The following SMAP1 variants were observed in gnomAD, a reference collection of about 807,000 sequenced individuals.
SMAP1 encodes the protein stromal membrane-associated protein 1.
A neutral mutation model predicts 58.5 loss-of-function variants in SMAP1; 24 were observed. The observed-to-expected ratio is 0.41, with a 90% CI of 0.30 to 0.58. The LOEUF (loss-of-function observed/expected upper bound fraction) is 0.58. SMAP1 is among the 20% of genes least tolerant of loss of function. The probability of loss-of-function intolerance (pLI) is 0.29; values close to 1 mark genes in which losing one functional copy is unlikely to be tolerated. For missense variants in SMAP1, 563 were observed against 566.3 expected (o/e 0.99, Z 0.06); for synonymous variants, 216 against 196.6 (o/e 1.10, Z -0.82).
At chr6:70,822,387 G>T (rs1264702849) in intron 6 of SMAP1, among the ~76,000 whole-genome samples, 1 of 151,266 alleles carries the variant, frequency 6.6e-6, no homozygotes, top group African/African-American at 2.4e-5. Context: ...AGAGACAGAA[G>T]TTTGGCAATT....
chr6:70,779,509 T>C (rs1171629164), intron 4 of SMAP1, among the ~76,000 whole-genome samples: 1 of 152,106 alleles, frequency 6.6e-6, no homozygotes, highest in Admixed American at 6.5e-5. Context: ...TGAAGGACTC[T>C]TCTGTAGCTA....
intron 2 of SMAP1, among the ~76,000 whole-genome samples, chr6:70,752,145 G>A (rs1195007072): frequency 6.6e-6 from 1 of 152,164 alleles, no homozygotes; most frequent in Non-Finnish European, 1.5e-5. Context: ...TGGGAGTGAA[G>A]GAACTGAATC....
chr6:70,844,580 T>C (rs1162985307), intron 7 of SMAP1, among the ~76,000 whole-genome samples: 1 of 152,230 alleles, frequency 6.6e-6, no homozygotes, highest in East Asian at 1.9e-4. Context: ...GTTAGTCATT[T>C]TAGCAAATTA....
chr6:70,859,498 T>TAAGTC lies in SMAP1; in HGVS notation c.1270-694_1270-690dup, dbSNP rs1429879999. The TAAGTC allele has an allele frequency of 3.3e-4, 287 of 881,092 alleles. 1 individual carries two copies. The East Asian group carries it at 7.7e-3, about 23-fold the overall frequency. The allele number at this position is 881,092 out of a possible 1,614,324, so 54.6% of individuals were successfully genotyped here. A position where few individuals can be genotyped will look rare whatever the true frequency, so the allele number is the denominator to read the frequency against. On this transcript the variant is annotated intron_variant, in intron 10 of 10. Transcript: ENST00000370455. Reference sequence around the variant, plus strand: ...ATGTTAGTGTCTTTGAAACTGTAAATAAGTCAAGTCAAATGTATTAAATTA... The same window carrying TAAGTC: ...ATGTTAGTGTCTTTGAAACTGTAAATAAGTCAAGTCAAGTCAAATGTATTAAATTA...
chr6:70,723,682 A>G (rs28488598), intron 1 of SMAP1, among the ~76,000 whole-genome samples: 66,543 of 151,984 alleles, frequency 0.44, 14,919 homozygotes, highest in South Asian at 0.5. Flanking sequence ...TTATCTGTTT[A>G]GTTTACTACT....
intron 3 of SMAP1, among the ~76,000 whole-genome samples, chr6:70,755,542 A>G (rs539528918): frequency 6.6e-6 from 1 of 152,154 alleles, no homozygotes; most frequent in South Asian, 2.1e-4. Context: ...AGCACATTTA[A>G]TGTAGGCTAG....
chr6:70,814,844 G>A (rs1769549323), intron 6 of SMAP1, among the ~76,000 whole-genome samples: 1 of 152,128 alleles, frequency 6.6e-6, no homozygotes, highest in Non-Finnish European at 1.5e-5. Context: ...TCATTTTATA[G>A]TGAACTATCA....
At chr6:70,807,921 A>G (rs1328979950) in intron 6 of SMAP1, among the ~76,000 whole-genome samples, 1 of 151,788 alleles carries the variant, frequency 6.6e-6, no homozygotes, top group Non-Finnish European at 1.5e-5. Flanking sequence ...TACAAATAAC[A>G]TAAATAGTCA....
intron 2 of SMAP1, among the ~76,000 whole-genome samples, chr6:70,734,348 G>C (rs1296409930): frequency 6.6e-6 from 1 of 152,186 alleles, no homozygotes; most frequent in East Asian, 1.9e-4. Flanking sequence ...GTTTTGCCAT[G>C]TTGGCCAGGC....
chr6:70,673,250 C>A (rs965208464), intron 1 of SMAP1, among the ~76,000 whole-genome samples: 1 of 152,182 alleles, frequency 6.6e-6, no homozygotes, highest in Admixed American at 6.5e-5. Flanking sequence ...ACTGTCATAA[C>A]TGCTTCTCAC....
intron 7 of SMAP1, 90 bp downstream of exon 7, chr6:70,837,118 T>C (rs974258815): frequency 2.8e-5 from 24 of 864,040 alleles, no homozygotes; most frequent in Non-Finnish European, 3.5e-5. Flanking sequence ...ATCTTGAGTA[T>C]GCCAAAACGT....
chr6:70,856,733 C>T, intron 8 of SMAP1, 126 bp from the exon 9 acceptor site: 2 of 925,392 alleles, frequency 2.2e-6, no homozygotes, highest in African/African-American at 1.7e-5. Context: ...TCTTGAATGG[C>T]ACCATTTTAC....
At chr6:70,727,188 A>G (rs561298896) in intron 1 of SMAP1, among the ~76,000 whole-genome samples, 86 of 151,984 alleles carry the variant, frequency 5.7e-4, no homozygotes, top group African/African-American at 2.1e-3. Flanking sequence ...GCTCACTGCA[A>G]CCTCTGCCTT....
intron 6 of SMAP1, among the ~76,000 whole-genome samples, chr6:70,815,874 A>G (rs1450848535): frequency 6.6e-6 from 1 of 152,144 alleles, no homozygotes; most frequent in Non-Finnish European, 1.5e-5. Flanking sequence ...TTGGGATTGA[A>G]TGTAGCAACT....
At chr6:70,787,201 C>T (rs763260907) in intron 4 of SMAP1, among the ~76,000 whole-genome samples, 22 of 152,166 alleles carry the variant, frequency 1.4e-4, no homozygotes, top group South Asian at 6.2e-4. Context: ...AATGGGGAAA[C>T]GATTCCCTTT....
chr6:70,737,370 G>A (rs530941619), intron 2 of SMAP1, among the ~76,000 whole-genome samples: 24 of 152,050 alleles, frequency 1.6e-4, no homozygotes, highest in African/African-American at 5.3e-4. Flanking sequence ...TGGTCTCAGC[G>A]TCCTGACCTC....
intron 2 of SMAP1, among the ~76,000 whole-genome samples, chr6:70,746,328 T>C (rs930116755): frequency 1.3e-5 from 2 of 152,184 alleles, no homozygotes; most frequent in Non-Finnish European, 2.9e-5. Flanking sequence ...ATAGCTCTTA[T>C]TATTTTGAGA....
chr6:70,788,519 C>A (rs1008778022), intron 4 of SMAP1, among the ~76,000 whole-genome samples: 1 of 151,946 alleles, frequency 6.6e-6, no homozygotes, highest in African/African-American at 2.4e-5. Context: ...GTGCGTACTC[C>A]AGACTCTATA....
intron 2 of SMAP1, among the ~76,000 whole-genome samples, chr6:70,738,679 G>C (rs1765707243): frequency 1.3e-5 from 2 of 152,172 alleles, no homozygotes; most frequent in Non-Finnish European, 2.9e-5. Context: ...AAGCTTTGCT[G>C]TATTCTGTGG....
Sources: allele counts gnomAD v4.1 joint callset (sites outside exome capture counted in the v4.1 genomes callset), GRCh38; gene constraint gnomAD v4.1.1; transcripts MANE v1.5; gene names NCBI Gene and HGNC (gene_info 2026-07-23, HGNC 2026-07-21).